Variants in MET observed in about 807,000 individuals in gnomAD.
MET encodes MET proto-oncogene, receptor tyrosine kinase, also known as hepatocyte growth factor receptor.
In MET, 48 loss-of-function variants were observed where a neutral mutation model predicts 133.1. That is an observed-to-expected ratio of 0.36 (90% CI 0.29 to 0.46). MET has a LOEUF of 0.46. Among genes scored for constraint, MET ranks in the 20% least tolerant of loss-of-function variants. The pLI, the probability that MET is intolerant of heterozygous loss-of-function variation, is 1.00. For synonymous variants in MET, 628 were observed against 616.5 expected (o/e 1.02, Z -0.28); for missense variants, 1,442 against 1,695.9 (o/e 0.85, Z 2.63).
At chr7:116,767,820 T>C (rs986800524) in intron 11 of MET, among the ~76,000 whole-genome samples, 12 of 150,940 alleles carry the variant, frequency 8.0e-5, no homozygotes, top group Admixed American at 4.6e-4. Context: ...TCAATAAAGC[T>C]ATGTTTACTT....
chr7:116,720,755 T>G (rs1296289277), intron 2 of MET, among the ~76,000 whole-genome samples: 1 of 132,846 alleles, frequency 7.5e-6, no homozygotes, highest in African/African-American at 2.9e-5. Context: ...ATGTGGTTTT[T>G]GTCTTTGGCT....
At position 116,702,499 on chromosome 7, in the gene MET, C is replaced by T. The variant is rs576847635; in HGVS notation, c.1200+2215C>T. Among the ~76,000 whole-genome samples, 3 of 152,062 alleles carry T rather than the reference C, an allele frequency of 2.0e-5. No individual in the cohort carries two copies. In the East Asian group the frequency reaches 5.8e-4, roughly 29 times the overall value. ...AAGGCACCTAGAGCCATTCATCACA[C>T]ACAAAAAAAACAAAATGATTACAAG... On this transcript the variant is annotated intron_variant, in intron 2 of 20. Coordinates refer to ENST00000397752, the MANE Select transcript of MET (RefSeq NM_000245.4).
chr7:116,730,233 G>T (rs38858), intron 2 of MET, among the ~76,000 whole-genome samples: 62,208 of 151,952 alleles, frequency 0.41, 14,015 homozygotes, highest in East Asian at 0.58. Flanking sequence ...AATAGCATCT[G>T]CAGAGGCCCT....
intron 2 of MET, among the ~76,000 whole-genome samples, chr7:116,701,349 A>C (rs1352017920): frequency 6.6e-6 from 1 of 152,198 alleles, no homozygotes; most frequent in Non-Finnish European, 1.5e-5. Flanking sequence ...TAAAGGTTAT[A>C]ATTGCAATCA....
chr7:116,680,337 T>C (rs1796305986), intron 1 of MET, among the ~76,000 whole-genome samples: 2 of 152,238 alleles, frequency 1.3e-5, no homozygotes, highest in African/African-American at 4.8e-5. Context: ...TTTACATGAC[T>C]TTTAAAATTC....
In MET at chr7:116,756,410, C is replaced by T. The variant is rs191083829; in HGVS notation, c.1862+895C>T. 7.9e-4 allele frequency among the ~76,000 whole-genome samples: 120 copies of T among 152,106 alleles called. 2 individuals are homozygous for T. Among genetic ancestry groups the T allele is most frequent in the East Asian group, 3.3e-3 (17 of 5,186 alleles). ...TTCATTTCAGGGTTACACAAAGGTCCGAATCTATCCATTTTACTGAGACCA... is the reference window on the plus strand; with the variant it reads ...TTCATTTCAGGGTTACACAAAGGTCTGAATCTATCCATTTTACTGAGACCA... On this transcript the variant is annotated intron_variant, in intron 6 of 20. Coordinates refer to ENST00000397752, the MANE Select transcript of MET (RefSeq NM_000245.4).
rs888382312 is a variant in MET at position 116,672,215 on chromosome 7, C to T, written c.-377C>T. Among the ~76,000 whole-genome samples, 1 of 151,994 alleles carries T rather than the reference C, an allele frequency of 6.6e-6. No individual in the cohort carries two copies. The highest frequency in any genetic ancestry group is 2.1e-4 in the South Asian group (1 of 4,832). On this transcript the variant is annotated 5_prime_UTR_variant, in exon 1 of 21. Transcript: ENST00000397752. Reference sequence around the variant, plus strand: ...GCAGACAGACACGTGCTGGGGCGGGCAGGCGAGCGCCTCAGTCTGGTCGCC... The same window carrying T: ...GCAGACAGACACGTGCTGGGGCGGGTAGGCGAGCGCCTCAGTCTGGTCGCC...
chr7:116,771,358 T>G lies in MET; in HGVS notation c.2731-140T>G. On this transcript the variant is annotated intron_variant, in intron 12 of 20. Transcript: ENST00000397752. ...AACACTGGAGCATAATTGAGGAATCTCTTATTATCCTGAAGGCAGTTATGC... is the reference window on the plus strand; with the variant it reads ...AACACTGGAGCATAATTGAGGAATCGCTTATTATCCTGAAGGCAGTTATGC... The G allele has an allele frequency of 3.3e-6, 3 of 921,302 alleles. No individual in the cohort carries two copies. In the South Asian group the frequency reaches 4.2e-5, roughly 13 times the overall value. 57.1% of individuals were successfully genotyped at this position (921,302 alleles called of 1,614,324 possible). A position where few individuals can be genotyped will look rare whatever the true frequency, so the allele number is the denominator to read the frequency against.
intron 17 of MET, among the ~76,000 whole-genome samples, chr7:116,781,764 G>T (rs1795161064): frequency 6.6e-6 from 1 of 152,112 alleles, no homozygotes; most frequent in African/African-American, 2.4e-5. Flanking sequence ...TGGGAGTAAA[G>T]ACAGGATCTC....
At chr7:116,737,581 T>C (rs1793267545) in intron 3 of MET, among the ~76,000 whole-genome samples, 1 of 152,216 alleles carries the variant, frequency 6.6e-6, no homozygotes, top group Non-Finnish European at 1.5e-5. Context: ...TTCTATGTTG[T>C]ATTTTTTTTA....
chr7:116,734,949 A>G (rs1213598358), intron 3 of MET, among the ~76,000 whole-genome samples: 1 of 152,188 alleles, frequency 6.6e-6, no homozygotes, highest in Non-Finnish European at 1.5e-5. Context: ...TTTTTTTAAC[A>G]GCACTTGTAT....
chr7:116,712,703 C>CACAA (rs1554382319), intron 2 of MET, among the ~76,000 whole-genome samples: 1 of 151,960 alleles, frequency 6.6e-6, no homozygotes, highest in Non-Finnish European at 1.5e-5. Flanking sequence ...CCGTCCCCCC[C>CACAA]ACACACACCC....
At chr7:116,742,800 G>T (rs1793511080) in intron 5 of MET, among the ~76,000 whole-genome samples, 1 of 152,176 alleles carries the variant, frequency 6.6e-6, no homozygotes, top group African/African-American at 2.4e-5. Context: ...AGTCAGTGAG[G>T]CTTAAGCTGC....
At chr7:116,732,827 G>T (rs1793070313) in intron 3 of MET, among the ~76,000 whole-genome samples, 1 of 151,992 alleles carries the variant, frequency 6.6e-6, no homozygotes, top group Non-Finnish European at 1.5e-5. Flanking sequence ...TAGCAGCCTG[G>T]ATATTGATCA....
chr7:116,732,752 GC>G (rs1208896661), intron 3 of MET, among the ~76,000 whole-genome samples: 2 of 152,090 alleles, frequency 1.3e-5, no homozygotes, highest in Admixed American at 1.3e-4. Context: ...CCTATAACTT[GC>G]CTGTCTATAC....
intron 1 of MET, among the ~76,000 whole-genome samples, chr7:116,681,742 C>G (rs12530841): frequency 0.098 from 14,876 of 152,196 alleles, 1,070 homozygotes; most frequent in African/African-American, 0.2. Context: ...AATGGCTACA[C>G]TGTCCAAAGT....
Position 116,777,416 on chromosome 7 carries a change from C to G in MET, c.3287C>G (p.Thr1096Ser), listed in dbSNP as rs45592846. 6.2e-7 allele frequency: 1 copy of G among 1,613,868 alleles called. No individual in the cohort carries two copies. The highest frequency in any genetic ancestry group is 2.2e-5 in the East Asian group (1 of 44,822). The change falls in exon 16 of 21, where the codon ACT (threonine) becomes AGT (serine). Residue 1096 changes from threonine to serine, a missense_variant. Thr to Ser is a moderately conservative substitution (Grantham distance 58, BLOSUM62 1). Transcript: ENST00000397752. ...RGHFGCVYHG[T>S]LLDNDGKKIH... ...CATTTTGGTTGTGTATATCATGGGA[C>G]TTTGTTGGACAATGATGGCAAGAAA...
intron 2 of MET, among the ~76,000 whole-genome samples, chr7:116,727,890 A>G (rs748249800): frequency 6.6e-6 from 1 of 152,230 alleles, no homozygotes; most frequent in Non-Finnish European, 1.5e-5. Flanking sequence ...TATTTGCACA[A>G]TGCTTTACAT....
intron 3 of MET, among the ~76,000 whole-genome samples, chr7:116,738,134 T>C (rs1186019769): frequency 6.6e-6 from 1 of 152,232 alleles, no homozygotes; most frequent in East Asian, 1.9e-4. Context: ...GTGTTGCTTT[T>C]GACCTGTGTG....
Sources: gnomAD v4.1 joint callset for allele counts (sites outside exome capture counted in the v4.1 genomes callset) on GRCh38, gnomAD v4.1.1 for gene constraint, MANE v1.5 for transcripts, NCBI Gene and HGNC (gene_info 2026-07-23, HGNC 2026-07-21) for gene names.